PADI4: variants seen among roughly 807,000 people sequenced by gnomAD.
The protein encoded by PADI4 is peptidyl arginine deiminase 4.
In PADI4, 62 loss-of-function variants were observed where a neutral mutation model predicts 75.0. That is an observed-to-expected ratio of 0.83 (90% CI 0.67 to 1.02). PADI4 has a LOEUF of 1.02. Among genes scored for constraint, PADI4 ranks in the 50% least tolerant of loss-of-function variants. The pLI, the probability that PADI4 is intolerant of heterozygous loss-of-function variation, is 0.00. For missense variants in PADI4, 845 were observed against 850.5 expected (o/e 0.99, Z 0.08); for synonymous variants, 361 against 348.1 (o/e 1.04, Z -0.41).
intron 1 of PADI4, among the ~76,000 whole-genome samples, chr1:17,316,018 G>C (rs988068594): frequency 2.0e-5 from 3 of 151,818 alleles, no homozygotes; most frequent in African/African-American, 7.3e-5. Context: ...CAGATGGCCC[G>C]GCAAAAACAA....
intron 1 of PADI4, among the ~76,000 whole-genome samples, chr1:17,315,633 C>T (rs538133487): frequency 3.0e-4 from 45 of 151,986 alleles, no homozygotes; most frequent in Middle Eastern, 3.4e-3. Context: ...CATGGCCCTT[C>T]GGGAAGGACC....
At chr1:17,353,341 C>T (rs1184248360) in intron 10 of PADI4, among the ~76,000 whole-genome samples, 3 of 152,116 alleles carry the variant, frequency 2.0e-5, no homozygotes, top group Non-Finnish European at 2.9e-5. Context: ...ATAGCATGCA[C>T]CTGTGGTCCC....
rs369677629 is a variant in PADI4, at chr1:17,347,913, A to G, written c.1048-28A>G. The G allele has an allele frequency of 1.8e-4, 245 of 1,391,182 alleles. No individual in the cohort carries two copies. The African/African-American group carries it at 3.1e-3, about 18-fold the overall frequency. The allele number at this position is 1,391,182 out of a possible 1,614,324, so 86.2% of individuals were successfully genotyped here. ...CACCAAGACCCAGGCAGCACGCGCA[A>G]CAGCCTCCTCTCCACTCACTCCCAC... On this transcript the variant is annotated intron_variant, in intron 9 of 15. Transcript: ENST00000375448.
At chr1:17,328,924 T>C (rs2074159231) in intron 1 of PADI4, among the ~76,000 whole-genome samples, 1 of 151,296 alleles carries the variant, frequency 6.6e-6, no homozygotes, top group Non-Finnish European at 1.5e-5. Context: ...CCTTCAGAAA[T>C]TGCCTTGGTG....
At chr1:17,355,922 C>T in intron 11 of PADI4, 61 bp from the exon 12 acceptor site, 7 of 1,597,870 alleles carry the variant, frequency 4.4e-6, no homozygotes, top group Non-Finnish European at 6.0e-6. Context: ...GCCCCTTGTC[C>T]TTCAGGGACT....
At position 17,363,820 on chromosome 1, in the gene PADI4, A is replaced by G; in HGVS notation, c.*65A>G. 1 of 1,158,062 alleles carries G rather than the reference A, an allele frequency of 8.6e-7. No individual in the cohort carries two copies. Among genetic ancestry groups the G allele is most frequent in the Admixed American group, 1.9e-5 (1 of 53,982 alleles). 71.7% of individuals were successfully genotyped at this position (1,158,062 alleles called of 1,614,324 possible). A position where few individuals can be genotyped will look rare whatever the true frequency, so the allele number is the denominator to read the frequency against. On this transcript the variant is annotated 3_prime_UTR_variant, in exon 16 of 16. Coordinates refer to ENST00000375448, the MANE Select transcript of PADI4 (RefSeq NM_012387.3). ...TCGCTGGGTCCTCTGCAGTGTGGCAAGCAAGAGCTCTTGTGAATATTGTGG... is the reference window on the plus strand; with the variant it reads ...TCGCTGGGTCCTCTGCAGTGTGGCAGGCAAGAGCTCTTGTGAATATTGTGG...
Position 17,346,063 on chromosome 1 carries a change from C to G in PADI4, c.971C>G (p.Thr324Ser). 15 of 1,613,578 alleles carry G rather than the reference C, an allele frequency of 9.3e-6. No individual in the cohort carries two copies. The highest frequency in any genetic ancestry group is 1.3e-5 in the African/African-American group (1 of 75,048). The change falls in exon 9 of 16, where the codon ACT becomes AGT. Residue 324 changes from threonine (T) to serine (S), a missense_variant. Coordinates refer to ENST00000375448, the MANE Select transcript of PADI4 (RefSeq NM_012387.3). This position sits in a 1 kb window ranked among gnomAD's most constrained non-coding sequence, Gnocchi z 4.3. ...AATGAGGACTTCCTGAAGTCAGTGA[C>G]TACTCTGGCCATGAAAGCCAAGTGC... ...FENEDFLKSVTTLAMKAKCKL... is the reference protein window; with the variant it reads ...FENEDFLKSVSTLAMKAKCKL...
Position 17,364,001 on chromosome 1 carries a change from A to G in PADI4, c.*246A>G. On this transcript the variant is annotated 3_prime_UTR_variant, in exon 16 of 16. Coordinates refer to ENST00000375448, the MANE Select transcript of PADI4 (RefSeq NM_012387.3). ...AAAGTTTTTTTAAGTCACTTTGTAC[A>G]TGAGGTCAAGATGTTGTTGGTATCA... The G allele has an allele frequency of 8.0e-6, 3 of 375,754 alleles. No individual in the cohort carries two copies. Among genetic ancestry groups the G allele is most frequent in the Admixed American group, 8.5e-5 (2 of 23,518 alleles). The allele number at this position is 375,754 out of a possible 1,614,324, so 23.3% of individuals were successfully genotyped here. A position where few individuals can be genotyped will look rare whatever the true frequency, so the allele number is the denominator to read the frequency against.
At chr1:17,318,905 G>A (rs941411300) in intron 1 of PADI4, among the ~76,000 whole-genome samples, 4 of 151,974 alleles carry the variant, frequency 2.6e-5, no homozygotes, top group Non-Finnish European at 5.9e-5. Flanking sequence ...AGCCAGGATG[G>A]TCTCGATCTC....
intron 1 of PADI4, among the ~76,000 whole-genome samples, chr1:17,329,448 G>A (rs1443005075): frequency 6.6e-6 from 1 of 152,048 alleles, no homozygotes; most frequent in Non-Finnish European, 1.5e-5. Flanking sequence ...TATTTTGTAT[G>A]TTACATGTAT....
At position 17,344,290 on chromosome 1, in the gene PADI4, G is replaced by A. The variant is rs145879090; in HGVS notation, c.936-1738G>A. Among the ~76,000 whole-genome samples the A allele has an allele frequency of 6.2e-3, 945 of 152,334 alleles. 5 individuals are homozygous for A. Among genetic ancestry groups the A allele is most frequent in the Non-Finnish European group, 9.6e-3 (651 of 68,026 alleles). ...CTAAGCAGCAAGGCATTCAAGAGGT[G>A]ACTTGGGTGCTGTTAAAGGCATCCA... On this transcript the variant is annotated intron_variant, in intron 8 of 15. Transcript: ENST00000375448.
At chr1:17,352,017 GCGGCCAGGGAGGTGA>G (rs2074651031) in intron 10 of PADI4, among the ~76,000 whole-genome samples, 3 of 10,480 alleles carry the variant, frequency 2.9e-4, no homozygotes, top group African/African-American at 1.3e-3. Context: ...GGGAGGAGAG[GCGGCCAGGGAGGTGA>G]TGGGAGGAGA....
chr1:17,339,617 G>T lies in PADI4; in HGVS notation c.527-71G>T, dbSNP rs538199139. 14 of 1,562,784 alleles carry T rather than the reference G, an allele frequency of 9.0e-6. No individual in the cohort carries two copies. In the South Asian group the frequency reaches 1.5e-4, roughly 16 times the overall value. On this transcript the variant is annotated intron_variant, in intron 5 of 15. Transcript: ENST00000375448. ...GTGGGGTGTGAGGCTCCACCAGGAG[G>T]TGAGGTGGCTATGGGAAACCAGCAG...
At chr1:17,327,437 A>G (rs1348725755) in intron 1 of PADI4, among the ~76,000 whole-genome samples, 1 of 151,828 alleles carries the variant, frequency 6.6e-6, no homozygotes, top group Non-Finnish European at 1.5e-5. Flanking sequence ...GGATCGTTAT[A>G]TTTTAGATGT....
chr1:17,347,735 C>T (rs1040167135), intron 9 of PADI4, among the ~76,000 whole-genome samples: 2 of 152,250 alleles, frequency 1.3e-5, no homozygotes, highest in South Asian at 4.1e-4. Flanking sequence ...GGCACTCCTG[C>T]AGGCTCATGG....
intron 1 of PADI4, among the ~76,000 whole-genome samples, chr1:17,329,601 AG>A (rs2074174860): frequency 6.6e-6 from 1 of 152,126 alleles, no homozygotes; most frequent in African/African-American, 2.4e-5. Context: ...CTGAGGAGGA[AG>A]GGGGGTTGGT....
At chr1:17,336,051 A>G (rs1247184155) in intron 3 of PADI4, 108 bp from the exon 4 acceptor site, 2 of 728,322 alleles carry the variant, frequency 2.7e-6, no homozygotes, top group Admixed American at 4.2e-5. Flanking sequence ...GGCTCACACT[A>G]TGGGTGCACA....
intron 2 of PADI4, among the ~76,000 whole-genome samples, chr1:17,333,711 A>C (rs919931768): frequency 2.0e-5 from 3 of 152,002 alleles, no homozygotes; most frequent in African/African-American, 7.2e-5. Flanking sequence ...CCTGCCAGGC[A>C]GAGTGTCTCC....
intron 1 of PADI4, among the ~76,000 whole-genome samples, chr1:17,320,288 G>A (rs897358048): frequency 6.6e-6 from 1 of 152,100 alleles, no homozygotes; most frequent in African/African-American, 2.4e-5. Context: ...TGTATTACTG[G>A]AAAGTGGTCC....
Sources: allele counts gnomAD v4.1 joint callset (sites outside exome capture counted in the v4.1 genomes callset), GRCh38; gene constraint gnomAD v4.1.1; non-coding constraint Gnocchi (gnomAD v3.1); transcripts MANE v1.5; gene names NCBI Gene and HGNC (gene_info 2026-07-23, HGNC 2026-07-21).